VPS50: variants seen among roughly 807,000 people sequenced by gnomAD.
The protein encoded by VPS50 is syndetin.
Under a neutral mutation model 139.7 loss-of-function variants are expected in VPS50, and 70 were observed. The ratio of observed to expected loss-of-function variants is 0.50; its 90% confidence interval spans 0.41 to 0.61. The LOEUF is 0.61. Ranked by LOEUF, VPS50 falls within the 20% of genes least tolerant of loss-of-function variation. The pLI, the probability that VPS50 is intolerant of heterozygous loss-of-function variation, is 0.00. For missense variants in VPS50, 921 were observed against 1,133.7 expected (o/e 0.81, Z 2.69); for synonymous variants, 365 against 376.7 (o/e 0.97, Z 0.36).
intron 20 of VPS50, among the ~76,000 whole-genome samples, chr7:93,312,723 C>T (rs1185291302): frequency 6.6e-6 from 1 of 151,952 alleles, no homozygotes; most frequent in African/African-American, 2.4e-5. Flanking sequence ...TTCTATTCTT[C>T]CATGTGATCA....
At chr7:93,350,387 C>T (rs1223611647) in intron 25 of VPS50, among the ~76,000 whole-genome samples, 1 of 152,122 alleles carries the variant, frequency 6.6e-6, no homozygotes, top group African/African-American at 2.4e-5. Flanking sequence ...TAGCAAGAGA[C>T]CATGCCTCTG....
Position 93,358,687 on chromosome 7 carries a change from T to C in VPS50, c.*251T>C, listed in dbSNP as rs17165292. 3,249 of 345,290 alleles carry C rather than the reference T, an allele frequency of 9.4e-3. 111 individuals are homozygous for C. The highest frequency in any genetic ancestry group is 0.062 in the African/African-American group (3,028 of 48,652). The allele number at this position is 345,290 out of a possible 1,614,324, so 21.4% of individuals were successfully genotyped here. Reference sequence around the variant, plus strand: ...TGCCGCCTTGTCATAACAATGGTTATGTGACTACAGTTATACATTTTACAG... The same window carrying C: ...TGCCGCCTTGTCATAACAATGGTTACGTGACTACAGTTATACATTTTACAG... On this transcript the variant is annotated 3_prime_UTR_variant, in exon 28 of 28. Transcript: ENST00000305866.
intron 23 of VPS50, among the ~76,000 whole-genome samples, chr7:93,348,128 G>A (rs937454284): frequency 4.6e-5 from 7 of 152,068 alleles, no homozygotes; most frequent in African/African-American, 1.7e-4. Context: ...GTAAGAAAAA[G>A]CAGAAAAAGA....
intron 11 of VPS50, among the ~76,000 whole-genome samples, chr7:93,274,010 G>A (rs1796082598): frequency 6.6e-6 from 1 of 151,982 alleles, no homozygotes; most frequent in South Asian, 2.1e-4. Flanking sequence ...CATATAAAAT[G>A]GTGAACTTAA....
Position 93,258,162 on chromosome 7 carries a change from C to G in VPS50, c.426C>G (p.His142Gln). 1 of 1,426,182 alleles carries G rather than the reference C, an allele frequency of 7.0e-7. No individual in the cohort carries two copies. The highest frequency in any genetic ancestry group is 1.2e-5 in the South Asian group (1 of 86,228). The allele number at this position is 1,426,182 out of a possible 1,614,324, so 88.3% of individuals were successfully genotyped here. Residue 142 changes from histidine (H) to glutamine (Q), a missense_variant, in exon 7 of 28, where the codon CAC (histidine) becomes CAG (glutamine). Coordinates refer to ENST00000305866, the MANE Select transcript of VPS50 (RefSeq NM_017667.4). ...AAVICTNGRR[H>Q]LNIAKEGFTQ... Reference sequence around the variant, plus strand: ...TATTTATTGTTCACTTTTGCAGACACTTGAATATTGCAAAGGAAGGTTTTA... The same window carrying G: ...TATTTATTGTTCACTTTTGCAGACAGTTGAATATTGCAAAGGAAGGTTTTA...
intron 22 of VPS50, 148 bp from the exon 23 acceptor site, chr7:93,341,279 C>G (rs1178539519): frequency 3.5e-6 from 2 of 569,552 alleles, no homozygotes; most frequent in Admixed American, 6.8e-5. Context: ...TAGTTACAAA[C>G]ATGAAAGCAG....
intron 2 of VPS50, among the ~76,000 whole-genome samples, chr7:93,251,939 A>G (rs541266881): frequency 3.4e-4 from 52 of 152,322 alleles, no homozygotes; most frequent in Middle Eastern, 3.4e-3. Flanking sequence ...TTATCTGATT[A>G]TGCAGTGAAA....
At chr7:93,349,490 G>A (rs1047971571) in intron 24 of VPS50, among the ~76,000 whole-genome samples, 1 of 152,170 alleles carries the variant, frequency 6.6e-6, no homozygotes, top group Non-Finnish European at 1.5e-5. Flanking sequence ...ACTGTAGACA[G>A]TCCTAGAGAC....
chr7:93,323,396 A>G (rs1797674964), intron 20 of VPS50: 7 of 181,740 alleles, frequency 3.9e-5, no homozygotes, highest in Non-Finnish European at 1.1e-5. Context: ...ATAACTTTCC[A>G]AGATGATAGA....
chr7:93,255,980 G>C (rs1361110176), intron 4 of VPS50, among the ~76,000 whole-genome samples: 4 of 152,138 alleles, frequency 2.6e-5, no homozygotes, highest in Admixed American at 2.6e-4. Context: ...ATTATTCATA[G>C]AACAATACAC....
chr7:93,311,716 A>G (rs1175496407), intron 20 of VPS50, among the ~76,000 whole-genome samples: 2 of 151,876 alleles, frequency 1.3e-5, no homozygotes, highest in African/African-American at 2.4e-5. Context: ...CTAAATGTTC[A>G]GATTATAGGA....
chr7:93,353,647 A>G lies in VPS50; in HGVS notation c.2471A>G (p.Glu824Gly). ...IYVDALLKEF[E>G]QFNRRLNEVS... Reference sequence around the variant, plus strand: ...ACCTATTTGTCTTCTTAGGAATTTGAGCAGTTTAACAGGAGGCTAAATGAA... The same window carrying G: ...ACCTATTTGTCTTCTTAGGAATTTGGGCAGTTTAACAGGAGGCTAAATGAA... Residue 824 changes from glutamate (E) to glycine (G), a missense_variant, in exon 26 of 28, where the codon GAG becomes GGG. Around this residue, in one of 3 missense-constraint regions of VPS50, gnomAD observed 19 missense variants for 46.8 expected, o/e 0.41. Coordinates refer to ENST00000305866, the MANE Select transcript of VPS50 (RefSeq NM_017667.4). The G allele has an allele frequency of 6.2e-7, 1 of 1,611,068 alleles. No individual in the cohort carries two copies. The highest frequency in any genetic ancestry group is 8.5e-7 in the Non-Finnish European group (1 of 1,178,834).
rs538037742 is a variant in VPS50 at position 93,348,058 on chromosome 7, A to G, written c.2208-653A>G. On this transcript the variant is annotated intron_variant, in intron 23 of 27. Coordinates refer to ENST00000305866, the MANE Select transcript of VPS50 (RefSeq NM_017667.4). The stretch of plus-strand genomic sequence containing the variant: ...AAAGTTAGTAATACAATTAACGCAT[A>G]TAACTTCTTTGGCATTTCTATAAAA... Among the ~76,000 whole-genome samples, 5 of 152,296 alleles carry G rather than the reference A, an allele frequency of 3.3e-5. No individual in the cohort carries two copies. The South Asian group carries it at 8.3e-4, about 25-fold the overall frequency.
At position 93,334,344 on chromosome 7, in the gene VPS50, T is replaced by C. The variant is rs910790359; in HGVS notation, c.2058+147T>C. The C allele has an allele frequency of 2.6e-5, 15 of 583,750 alleles. No homozygotes were observed. In the Admixed American group the frequency reaches 4.7e-4, roughly 18 times the overall value. 36.2% of individuals were successfully genotyped at this position (583,750 alleles called of 1,614,324 possible). ...GTGCATATAGGAAGTAAAACAGAGG[T>C]TGCTTATAGTCTGATCAGAGAGAAA... On this transcript the variant is annotated intron_variant, in intron 22 of 27. Transcript: ENST00000305866.
intron 16 of VPS50, among the ~76,000 whole-genome samples, chr7:93,299,362 C>T (rs1194306710): frequency 6.6e-6 from 1 of 152,122 alleles, no homozygotes; most frequent in Non-Finnish European, 1.5e-5. Flanking sequence ...TCTGCAAAAT[C>T]CCAATTTAAT....
intron 17 of VPS50, among the ~76,000 whole-genome samples, chr7:93,304,829 A>G (rs372693834): frequency 6.6e-6 from 1 of 151,846 alleles, no homozygotes; most frequent in South Asian, 2.1e-4. Flanking sequence ...ATTTTCTAAA[A>G]ATTAGTCTCA....
At chr7:93,344,527 C>T (rs1349952935) in intron 23 of VPS50, among the ~76,000 whole-genome samples, 3 of 152,200 alleles carry the variant, frequency 2.0e-5, no homozygotes, top group Non-Finnish European at 2.9e-5. Context: ...ACAGAACATA[C>T]ATTTTTTGCA....
intron 20 of VPS50, among the ~76,000 whole-genome samples, chr7:93,314,794 A>G (rs1797374699): frequency 6.6e-6 from 1 of 152,116 alleles, no homozygotes. Flanking sequence ...GAGAGAACAC[A>G]GGCATGGGAG....
At chr7:93,294,137 C>T (rs934175281) in intron 13 of VPS50, among the ~76,000 whole-genome samples, 1 of 152,098 alleles carries the variant, frequency 6.6e-6, no homozygotes, top group Non-Finnish European at 1.5e-5. Flanking sequence ...TATCACCTCA[C>T]GCCTGAGTTT....
Sources: allele counts gnomAD v4.1 joint callset (sites outside exome capture counted in the v4.1 genomes callset), GRCh38; gene constraint gnomAD v4.1.1; regional missense constraint gnomAD v4.1.1; transcripts MANE v1.5; gene names NCBI Gene and HGNC (gene_info 2026-07-23, HGNC 2026-07-21).